The following ANLN variants were observed in gnomAD, a reference collection of about 807,000 sequenced individuals.
ANLN encodes the protein anillin, actin binding protein, also known as anillin.
Under a neutral mutation model 135.1 loss-of-function variants are expected in ANLN, and 59 were observed. That is an observed-to-expected ratio of 0.44 (90% CI 0.35 to 0.54). The LOEUF is 0.54. ANLN is among the 20% of genes least tolerant of loss of function. The pLI is 0.00. For synonymous variants in ANLN, 406 were observed against 456.4 expected, an observed-to-expected ratio of 0.89 and a Z score of 1.41; for missense variants, 1,182 against 1,340.0, an observed-to-expected ratio of 0.88 and a Z score of 1.84.
Position 36,423,926 on chromosome 7 carries a change from C to T in ANLN, c.2586C>T (p.Phe862=). ...SNSLNGDALT[F]TTTFTLQDVS... ...CTCTTAACGGTGATGCTCTGACATT[C>T]ACTACTACATTTACTCTGTAAGTAA... Residue 862 remains phenylalanine (F), a synonymous_variant, in exon 15 of 24, where the codon TTC becomes TTT. Transcript: ENST00000265748. 2 of 1,611,846 alleles carry T rather than the reference C, an allele frequency of 1.2e-6. No individual in the cohort carries two copies. Among genetic ancestry groups the T allele is most frequent in the East Asian group, 2.2e-5 (1 of 44,690 alleles).
At chr7:36,427,059 GTTT>G in intron 20 of ANLN, 31 bp downstream of exon 20, 2 of 1,329,278 alleles carry the variant, frequency 1.5e-6, no homozygotes, top group Non-Finnish European at 2.1e-6. Flanking sequence ...AGGGTGTGGT[GTTT>G]TTTTTTTAAT....
intron 3 of ANLN, among the ~76,000 whole-genome samples, chr7:36,400,651 C>G (rs748401267): frequency 1.3e-5 from 2 of 152,074 alleles, no homozygotes; most frequent in African/African-American, 4.8e-5. Flanking sequence ...AATGAGCCAC[C>G]GCATCCAGCA....
intron 20 of ANLN, among the ~76,000 whole-genome samples, chr7:36,438,263 A>G (rs943848200): frequency 7.9e-5 from 12 of 152,214 alleles, no homozygotes; most frequent in African/African-American, 2.9e-4. Context: ...TGGTCTTGGC[A>G]TCCTTGGCAA....
intron 3 of ANLN, 73 bp downstream of exon 3, chr7:36,399,466 A>C: frequency 7.8e-7 from 1 of 1,285,216 alleles, no homozygotes. Context: ...TGAACATTTT[A>C]TCAGTTAACT....
rs140424247 is a variant in ANLN at position 36,421,140 on chromosome 7, T to A, written c.2163+396T>A. On this transcript the variant is annotated intron_variant, in intron 12 of 23. Coordinates refer to ENST00000265748, the MANE Select transcript of ANLN (RefSeq NM_018685.5). ...TAGATTGTAATGGCGCAATCTTGGC[T>A]GACTGCAACCTCTGCCTCCCGGGTT... Among the ~76,000 whole-genome samples, 514 of 152,196 alleles carry A rather than the reference T, an allele frequency of 3.4e-3. 9 individuals are homozygous for A. The highest frequency in any genetic ancestry group is 0.033 in the East Asian group (172 of 5,170).
Position 36,453,119 on chromosome 7 carries a change from A to G in ANLN, c.*519A>G, listed in dbSNP as rs1309471647. ...GAGGATGAGAACTTTTTCAAATAGCAAATATATATTGGCTTAAAGCATGAG... is the reference window on the plus strand; with the variant it reads ...GAGGATGAGAACTTTTTCAAATAGCGAATATATATTGGCTTAAAGCATGAG... On this transcript the variant is annotated 3_prime_UTR_variant, in exon 24 of 24. Coordinates refer to ENST00000265748, the MANE Select transcript of ANLN (RefSeq NM_018685.5). 1.3e-5 allele frequency: 2 copies of G among 152,718 alleles called. No individual in the cohort carries two copies. The highest frequency in any genetic ancestry group is 2.1e-4 in the South Asian group (1 of 4,864). The allele number at this position is 152,718 out of a possible 1,614,324, so 9.5% of individuals were successfully genotyped here. A position where few individuals can be genotyped will look rare whatever the true frequency, so the allele number is the denominator to read the frequency against.
Position 36,390,044 on chromosome 7 carries a change from G to A in ANLN, c.18G>A (p.Glu6=), listed in dbSNP as rs1554337799. ...CTGGGGCGATGGATCCGTTTACGGA[G>A]GTGAGTGAGTTTGCGGGTGCAGCCA... MDPFT[E]KLLERTRARR... Residue 6 remains glutamate, a splice_region_variant and synonymous_variant, in exon 1 of 24, where the codon GAG becomes GAA. Transcript: ENST00000265748. The A allele has an allele frequency of 3.7e-6, 6 of 1,613,822 alleles. No individual in the cohort carries two copies. The Admixed American group carries it at 5.0e-5, about 13-fold the overall frequency.
At position 36,406,491 on chromosome 7, in the gene ANLN, T is replaced by A. The variant is rs750669302; in HGVS notation, c.798T>A (p.Asp266Glu). The A allele has an allele frequency of 3.1e-6, 5 of 1,593,252 alleles. No individual in the cohort carries two copies. The African/African-American group carries it at 5.4e-5, about 17-fold the overall frequency. Residue 266 changes from aspartate to glutamate, a missense_variant, in exon 4 of 24, where the codon GAT (aspartate) becomes GAA (glutamate). This residue lies in a region of ANLN where 1,022 missense variants were observed against 1,134.0 expected (regional missense o/e 0.90). Coordinates refer to ENST00000265748, the MANE Select transcript of ANLN (RefSeq NM_018685.5). Reference sequence around the variant, plus strand: ...CATTCTGTTCCCAAAGGGATGGCGATGCCTCTTTGAATAAAGCCCTATCCT... The same window carrying A: ...CATTCTGTTCCCAAAGGGATGGCGAAGCCTCTTTGAATAAAGCCCTATCCT... ...EATFCSQRDG[D>E]ASLNKALSSS...
intron 1 of ANLN, 124 bp downstream of exon 1, chr7:36,390,168 T>G: frequency 6.5e-7 from 1 of 1,549,714 alleles, no homozygotes; most frequent in Admixed American, 1.8e-5. Flanking sequence ...GCGTGCGCAG[T>G]GTGTGCGGGC....
chr7:36,415,785 A>C lies in ANLN; in HGVS notation c.1423A>C (p.Lys475Gln). 1 of 1,605,240 alleles carries C rather than the reference A, an allele frequency of 6.2e-7. No homozygotes were observed. The highest frequency in any genetic ancestry group is 8.5e-7 in the Non-Finnish European group (1 of 1,177,264). ...QETHCQSTPL[K>Q]KHQGVSKTQS... ...AACTCACTGTCAGAGCACTCCCCTC[A>C]AAAAACACCAAGGTGTTTCAAAAAC... The change falls in exon 8 of 24, where the codon AAA becomes CAA. Residue 475 changes from lysine (K) to glutamine (Q), a missense_variant. By Grantham distance (53) the Lys-to-Gln change is moderately conservative. Coordinates refer to ENST00000265748, the MANE Select transcript of ANLN (RefSeq NM_018685.5).
intron 8 of ANLN, 108 bp from the exon 9 acceptor site, chr7:36,416,972 C>T (rs761927633): frequency 3.2e-5 from 19 of 598,608 alleles, no homozygotes; most frequent in Non-Finnish European, 4.1e-5. Flanking sequence ...TATTTTAAAA[C>T]GAATACATAG....
chr7:36,414,396 G>C (rs900884073), intron 7 of ANLN, among the ~76,000 whole-genome samples: 2 of 152,222 alleles, frequency 1.3e-5, no homozygotes, highest in African/African-American at 4.8e-5. Flanking sequence ...ACTCCGCACA[G>C]TGAAGGGAAC....
chr7:36,451,046 G>T (rs535783310), intron 23 of ANLN, among the ~76,000 whole-genome samples: 2 of 152,292 alleles, frequency 1.3e-5, no homozygotes, highest in South Asian at 4.1e-4. Context: ...CTTCGCCCAA[G>T]CATATGAGAG....
intron 23 of ANLN, among the ~76,000 whole-genome samples, chr7:36,451,620 A>T (rs545065315): frequency 6.6e-6 from 1 of 152,362 alleles, no homozygotes; most frequent in Non-Finnish European, 1.5e-5. Context: ...AGTACATGGA[A>T]TGAGCTTAAC....
intron 20 of ANLN, among the ~76,000 whole-genome samples, chr7:36,435,040 G>T (rs900292457): frequency 9.9e-5 from 15 of 151,982 alleles, no homozygotes; most frequent in Admixed American, 2.6e-4. Context: ...TGTGGTCAAG[G>T]TTTCATGGGT....
chr7:36,407,999 A>G (rs1787263352), intron 5 of ANLN, 43 bp downstream of exon 5: 1 of 1,416,536 alleles, frequency 7.1e-7, no homozygotes, highest in Non-Finnish European at 9.8e-7. Context: ...GATTATATTC[A>G]GGATATCTAT....
intron 3 of ANLN, among the ~76,000 whole-genome samples, chr7:36,400,544 G>T: frequency 6.6e-6 from 1 of 151,916 alleles, no homozygotes; most frequent in East Asian, 1.9e-4. Context: ...TGTATCTTTT[G>T]GTAGAGATGG....
intron 3 of ANLN, among the ~76,000 whole-genome samples, chr7:36,399,728 C>A (rs1484841115): frequency 6.6e-6 from 1 of 152,140 alleles, no homozygotes; most frequent in Non-Finnish European, 1.5e-5. Context: ...AATCCTATTT[C>A]ATGGATTCAA....
Position 36,452,899 on chromosome 7 carries a change from A to G in ANLN, c.*299A>G. 1 of 195,754 alleles carries G rather than the reference A, an allele frequency of 5.1e-6. No individual in the cohort carries two copies. 12.1% of individuals were successfully genotyped at this position (195,754 alleles called of 1,614,324 possible). ...TTCATGACAATATTTTTTTAAAAGT[A>G]AGAAATTCTGAGTTGTCTTCTTGGA... is the stretch of plus-strand genomic sequence containing the variant. On this transcript the variant is annotated 3_prime_UTR_variant, in exon 24 of 24. Coordinates refer to ENST00000265748, the MANE Select transcript of ANLN (RefSeq NM_018685.5).
Sources: allele counts gnomAD v4.1 joint callset (sites outside exome capture counted in the v4.1 genomes callset), GRCh38; gene constraint gnomAD v4.1.1; regional missense constraint gnomAD v4.1.1; transcripts MANE v1.5; gene names NCBI Gene and HGNC (gene_info 2026-07-23, HGNC 2026-07-21).